COL19A1: variants seen among roughly 807,000 people sequenced by gnomAD.
COL19A1 encodes the protein collagen type XIX alpha 1 chain.
In COL19A1, 159 loss-of-function variants were observed where a neutral mutation model predicts 190.2. That is an observed-to-expected ratio of 0.84 (90% CI 0.73 to 0.95). The LOEUF (loss-of-function observed/expected upper bound fraction) is 0.95, where lower values mean the gene tolerates loss of function less well. Ranked by LOEUF, COL19A1 falls within the 40% of genes least tolerant of loss-of-function variation. COL19A1 has a pLI of 0.00. For synonymous variants in COL19A1, 509 were observed against 458.9 expected, an observed-to-expected ratio of 1.11 and a Z score of -1.39; for missense variants, 1,418 against 1,431.9, an observed-to-expected ratio of 0.99 and a Z score of 0.16.
chr6:70,064,716 C>T (rs887510938), intron 14 of COL19A1, among the ~76,000 whole-genome samples: 1 of 152,134 alleles, frequency 6.6e-6, no homozygotes, highest in African/African-American at 2.4e-5. Flanking sequence ...AAAACCCCAT[C>T]GTCTCAGCCC....
chr6:70,109,375 G>A (rs919654726), intron 16 of COL19A1, among the ~76,000 whole-genome samples: 1 of 152,044 alleles, frequency 6.6e-6, no homozygotes, highest in Admixed American at 6.6e-5. Flanking sequence ...AAAGCTTGAT[G>A]TATTCAATAA....
At chr6:70,064,458 T>G (rs946131604) in intron 14 of COL19A1, among the ~76,000 whole-genome samples, 1 of 152,150 alleles carries the variant, frequency 6.6e-6, no homozygotes, top group African/African-American at 2.4e-5. Flanking sequence ...ATGGGACGTA[T>G]CTCAAAATAA....
intron 9 of COL19A1, among the ~76,000 whole-genome samples, chr6:69,941,882 G>T (rs1773490249): frequency 6.6e-6 from 1 of 151,922 alleles, no homozygotes; most frequent in Admixed American, 6.6e-5. Flanking sequence ...TAGAGATGGG[G>T]TTTCACCATG....
At chr6:69,919,852 G>T (rs1410900849) in intron 4 of COL19A1, among the ~76,000 whole-genome samples, 2 of 151,902 alleles carry the variant, frequency 1.3e-5, no homozygotes, top group African/African-American at 4.8e-5. Context: ...TATTATAAAG[G>T]CTATAGGTTG....
chr6:70,208,270 T>A lies in COL19A1; in HGVS notation c.*996T>A, dbSNP rs1201814. The A allele has an allele frequency of 0.52, 79,688 of 152,112 alleles. 22,413 individuals carry two copies. The highest frequency in any genetic ancestry group is 0.73 in the African/African-American group (30,437 of 41,468). 9.4% of individuals were successfully genotyped at this position (152,112 alleles called of 1,614,324 possible). ...ATCAAAACAAAGGATGGGATACGTA[T>A]AGAATGGACTCACTTGTCCTAGAAG... is the stretch of plus-strand genomic sequence containing the variant. On this transcript the variant is annotated 3_prime_UTR_variant, in exon 51 of 51. Transcript: ENST00000620364.
At chr6:69,905,765 A>G (rs1306998603) in intron 4 of COL19A1, among the ~76,000 whole-genome samples, 2 of 152,176 alleles carry the variant, frequency 1.3e-5, no homozygotes, top group Non-Finnish European at 2.9e-5. Flanking sequence ...GCACAGGCTC[A>G]GGGGATATTT....
intron 11 of COL19A1, among the ~76,000 whole-genome samples, chr6:69,994,841 AG>A (rs1776811234): frequency 1.3e-5 from 2 of 152,052 alleles, no homozygotes; most frequent in African/African-American, 4.8e-5. Flanking sequence ...ATCTGAGAAG[AG>A]GAAGACCAGC....
At chr6:70,126,049 A>G (rs1458504561) in intron 17 of COL19A1, among the ~76,000 whole-genome samples, 1 of 151,978 alleles carries the variant, frequency 6.6e-6, no homozygotes, top group Admixed American at 6.6e-5. Flanking sequence ...GAAAATGCAG[A>G]GTTGTGTTAT....
At chr6:69,927,811 A>T (rs1328492675) in intron 4 of COL19A1, 98 bp from the exon 5 acceptor site, 1 of 1,405,468 alleles carries the variant, frequency 7.1e-7, no homozygotes, top group Admixed American at 2.3e-5. Context: ...TGAGAAAAAT[A>T]TGACTGAGAT....
At chr6:69,881,733 A>C (rs1455843569) in intron 2 of COL19A1, among the ~76,000 whole-genome samples, 1 of 152,278 alleles carries the variant, frequency 6.6e-6, no homozygotes, top group Admixed American at 6.5e-5. Flanking sequence ...TAATAAAAGA[A>C]AAAATTACGT....
chr6:69,971,080 A>G (rs951089961), intron 11 of COL19A1, among the ~76,000 whole-genome samples: 2 of 152,100 alleles, frequency 1.3e-5, no homozygotes, highest in African/African-American at 4.8e-5. Flanking sequence ...AATATGTTTA[A>G]CCCTCTGTTG....
At chr6:70,073,296 C>T (rs1207313766) in intron 15 of COL19A1, among the ~76,000 whole-genome samples, 1 of 151,946 alleles carries the variant, frequency 6.6e-6, no homozygotes, top group Non-Finnish European at 1.5e-5. Flanking sequence ...CCCAGATTGC[C>T]TGAATTTAAA....
intron 14 of COL19A1, among the ~76,000 whole-genome samples, chr6:70,048,188 C>T (rs1186066158): frequency 4.6e-5 from 7 of 152,006 alleles, no homozygotes; most frequent in African/African-American, 1.7e-4. Flanking sequence ...AAGAAAACTA[C>T]CTTAAATACC....
At chr6:70,158,707 A>G (rs1283022506) in intron 34 of COL19A1, among the ~76,000 whole-genome samples, 1 of 152,104 alleles carries the variant, frequency 6.6e-6, no homozygotes, top group Non-Finnish European at 1.5e-5. Flanking sequence ...ATCATCAGCC[A>G]GATATTATAG....
intron 49 of COL19A1, among the ~76,000 whole-genome samples, chr6:70,206,119 A>G (rs931119380): frequency 6.6e-6 from 1 of 152,086 alleles, no homozygotes; most frequent in Non-Finnish European, 1.5e-5. Flanking sequence ...TGTTCCTTTC[A>G]TTTCCTTTAA....
chr6:70,009,755 G>A (rs1392778528), intron 11 of COL19A1, among the ~76,000 whole-genome samples: 2 of 152,112 alleles, frequency 1.3e-5, no homozygotes, highest in East Asian at 3.8e-4. Flanking sequence ...AGACAAATGG[G>A]AAATAATAGA....
chr6:69,870,248 G>C (rs1321657756), intron 1 of COL19A1, among the ~76,000 whole-genome samples: 3 of 152,168 alleles, frequency 2.0e-5, no homozygotes, highest in African/African-American at 7.2e-5. Context: ...AGAAGACACA[G>C]ATAAATAAAA....
chr6:70,199,928 TTAAC>T (rs1767448413), intron 49 of COL19A1, 192 bp downstream of exon 49: 1 of 542,516 alleles, frequency 1.8e-6, no homozygotes, highest in Non-Finnish European at 3.2e-6. Flanking sequence ...AAGTAGATGT[TTAAC>T]TATTACTACT....
chr6:69,902,205 C>T (rs1469767266), intron 4 of COL19A1, among the ~76,000 whole-genome samples: 2 of 152,124 alleles, frequency 1.3e-5, no homozygotes, highest in African/African-American at 4.8e-5. Context: ...TGCATGATGC[C>T]ATTTTGATTT....
Sources: allele counts gnomAD v4.1 joint callset (sites outside exome capture counted in the v4.1 genomes callset), GRCh38; gene constraint gnomAD v4.1.1; transcripts MANE v1.5; gene names NCBI Gene and HGNC (gene_info 2026-07-23, HGNC 2026-07-21).